PTPRT: variants seen among roughly 807,000 people sequenced by gnomAD.
PTPRT encodes the protein protein tyrosine phosphatase receptor type T.
A neutral mutation model predicts 176.8 loss-of-function variants in PTPRT; 56 were observed. That is an observed-to-expected ratio of 0.32 (90% CI 0.26 to 0.40). The LOEUF (loss-of-function observed/expected upper bound fraction) is 0.40, where lower values mean the gene tolerates loss of function less well. PTPRT is among the 10% of genes least tolerant of loss of function. The pLI, the probability that PTPRT is intolerant of heterozygous loss-of-function variation, is 1.00. For missense variants in PTPRT, 1,540 were observed against 1,908.2 expected, an observed-to-expected ratio of 0.81 and a Z score of 3.60; for synonymous variants, 783 against 739.0, an observed-to-expected ratio of 1.06 and a Z score of -0.96.
At chr20:42,904,120 T>G (rs2079443687) in intron 1 of PTPRT, among the ~76,000 whole-genome samples, 1 of 152,196 alleles carries the variant, frequency 6.6e-6, no homozygotes. Context: ...TTCATGTGCA[T>G]CCAGGATACA....
intron 15 of PTPRT, among the ~76,000 whole-genome samples, chr20:42,222,173 G>A (rs2055901495): frequency 6.6e-6 from 1 of 152,164 alleles, no homozygotes; most frequent in African/African-American, 2.4e-5. Flanking sequence ...AATTCATGAT[G>A]AGAACACAGC....
At chr20:42,646,309 T>C (rs1050187358) in intron 7 of PTPRT, among the ~76,000 whole-genome samples, 1 of 152,206 alleles carries the variant, frequency 6.6e-6, no homozygotes, top group African/African-American at 2.4e-5. Flanking sequence ...TTATGGACCA[T>C]GGACCAAATC....
In PTPRT at chr20:43,154,008, A is replaced by G. The variant is rs117910543; in HGVS notation, c.88+35638T>C. Among the ~76,000 whole-genome samples, 1,181 of 152,356 alleles carry G rather than the reference A, an allele frequency of 7.8e-3. 14 individuals carry two copies. The highest frequency in any genetic ancestry group is 0.038 in the South Asian group (182 of 4,822). On this transcript the variant is annotated intron_variant, in intron 1 of 30. Transcript: ENST00000373187. ...TCCTTGCAGGTGAGAAGATACTCCAATTCTATATCTTCACGTCTTGGGGAA... is the reference window on the plus strand; with the variant it reads ...TCCTTGCAGGTGAGAAGATACTCCAGTTCTATATCTTCACGTCTTGGGGAA...
intron 7 of PTPRT, among the ~76,000 whole-genome samples, chr20:42,597,210 A>G (rs1432301723): frequency 6.6e-6 from 1 of 152,162 alleles, no homozygotes; most frequent in African/African-American, 2.4e-5. Flanking sequence ...AGGGTCTCTG[A>G]CTTCCAGACT....
intron 9 of PTPRT, among the ~76,000 whole-genome samples, chr20:42,428,082 T>A (rs141654176): frequency 0.013 from 1,914 of 152,304 alleles, 41 homozygotes; most frequent in African/African-American, 0.044. Context: ...GGTGGTCTCC[T>A]CACACGGACG....
chr20:43,127,131 C>G (rs994810668), intron 1 of PTPRT, among the ~76,000 whole-genome samples: 1 of 151,998 alleles, frequency 6.6e-6, no homozygotes, highest in Non-Finnish European at 1.5e-5. Flanking sequence ...AAATGCAACT[C>G]TAAACATGGC....
chr20:42,918,146 C>G (rs147286553), intron 1 of PTPRT, among the ~76,000 whole-genome samples: 33 of 152,132 alleles, frequency 2.2e-4, no homozygotes, highest in Non-Finnish European at 4.7e-4. Flanking sequence ...CCAGGGCCAT[C>G]ATTTTCTATC....
At chr20:42,485,846 C>T (rs1348904343) in intron 7 of PTPRT, among the ~76,000 whole-genome samples, 2 of 152,180 alleles carry the variant, frequency 1.3e-5, no homozygotes, top group Non-Finnish European at 2.9e-5. Flanking sequence ...ACAAGAGTGT[C>T]ATTAAACTGA....
chr20:43,180,132 G>A (rs560847671), intron 1 of PTPRT, among the ~76,000 whole-genome samples: 88 of 152,296 alleles, frequency 5.8e-4, no homozygotes, highest in African/African-American at 2.0e-3. Flanking sequence ...CTCTTGGCTT[G>A]AGCTGGGACA....
At chr20:42,770,878 T>C (rs1276938633) in intron 5 of PTPRT, among the ~76,000 whole-genome samples, 10 of 152,362 alleles carry the variant, frequency 6.6e-5, no homozygotes, top group Middle Eastern at 3.4e-3. Flanking sequence ...GGTTTCTGCA[T>C]GTATAAAATG....
rs565850060 is a variant in PTPRT at position 42,585,127 on chromosome 20, T to G, written c.1153+92739A>C. Among the ~76,000 whole-genome samples the G allele has an allele frequency of 2.0e-5, 3 of 152,326 alleles. No individual in the cohort carries two copies. The East Asian group carries it at 5.8e-4, about 29-fold the overall frequency. The stretch of plus-strand genomic sequence containing the variant: ...TTTTAACTTAACTTTCTTGATCCTG[T>G]GTGAACTGAACTCCTTGTTCCACGT... On this transcript the variant is annotated intron_variant, in intron 7 of 30. Coordinates refer to ENST00000373187, the MANE Select transcript of PTPRT (RefSeq NM_007050.6).
intron 1 of PTPRT, among the ~76,000 whole-genome samples, chr20:42,889,763 G>C (rs6030547): frequency 0.066 from 10,000 of 152,274 alleles, 924 homozygotes; most frequent in African/African-American, 0.21. Flanking sequence ...AACATAGAAG[G>C]AGGAAATACT....
chr20:42,696,458 AT>A (rs3091864), intron 6 of PTPRT, among the ~76,000 whole-genome samples: 1,553 of 83,286 alleles, frequency 0.019, 16 homozygotes, highest in African/African-American at 0.062. Flanking sequence ...CACATGAATT[AT>A]TTTTTTTTTT....
rs1568774298 is a variant in PTPRT at position 43,083,360 on chromosome 20, ATATATATAT to A, written c.88+106277_88+106285del. On this transcript the variant is annotated intron_variant, in intron 1 of 30. Coordinates refer to ENST00000373187, the MANE Select transcript of PTPRT (RefSeq NM_007050.6). ...TATATATATATATATATATATATAT[ATATATATAT>A]ACATTTTTTGAGACAGAGTCTCGCT... is the stretch of plus-strand genomic sequence containing the variant. Among the ~76,000 whole-genome samples, 580 of 127,364 alleles carry A rather than the reference ATATATATAT, an allele frequency of 4.6e-3. 21 individuals are homozygous for A. Among genetic ancestry groups the A allele is most frequent in the African/African-American group, 0.018 (556 of 30,670 alleles). 83.6% of individuals were successfully genotyped at this position (127,364 alleles called of 152,430 possible). A position where few individuals can be genotyped will look rare whatever the true frequency, so the allele number is the denominator to read the frequency against.
chr20:42,539,802 T>A (rs2072546406), intron 7 of PTPRT, among the ~76,000 whole-genome samples: 2 of 152,074 alleles, frequency 1.3e-5, no homozygotes, highest in East Asian at 3.9e-4. Context: ...ACACTATATA[T>A]TAGAAGCCAA....
At chr20:43,072,685 T>C (rs867364665) in intron 1 of PTPRT, among the ~76,000 whole-genome samples, 34 of 152,212 alleles carry the variant, frequency 2.2e-4, no homozygotes, top group African/African-American at 8.2e-4. Context: ...TTCCTAATTT[T>C]TCTTCCTTTC....
At chr20:42,250,732 T>G (rs1041602644) in intron 13 of PTPRT, among the ~76,000 whole-genome samples, 1 of 152,212 alleles carries the variant, frequency 6.6e-6, no homozygotes, top group Non-Finnish European at 1.5e-5. Context: ...TGGACTTTAT[T>G]TATCCATTCA....
At chr20:43,008,230 G>C (rs1358551301) in intron 1 of PTPRT, among the ~76,000 whole-genome samples, 2 of 152,098 alleles carry the variant, frequency 1.3e-5, no homozygotes, top group Non-Finnish European at 2.9e-5. Flanking sequence ...CTCATGAATA[G>C]GATTCATGAA....
At chr20:43,062,810 G>A (rs1987527477) in intron 1 of PTPRT, among the ~76,000 whole-genome samples, 1 of 152,146 alleles carries the variant, frequency 6.6e-6, no homozygotes, top group African/African-American at 2.4e-5. Context: ...GTTACACAGG[G>A]TGTAATTTCT....
Sources: gnomAD v4.1 joint callset for allele counts (sites outside exome capture counted in the v4.1 genomes callset) on GRCh38, gnomAD v4.1.1 for gene constraint, MANE v1.5 for transcripts, NCBI Gene and HGNC (gene_info 2026-07-23, HGNC 2026-07-21) for gene names.